The following FAM13A variants were observed in gnomAD, a reference collection of about 807,000 sequenced individuals.
FAM13A encodes family with sequence similarity 13 member A, also known as protein FAM13A.
Under a neutral mutation model 129.6 loss-of-function variants are expected in FAM13A, and 76 were observed. The observed-to-expected ratio is 0.59, with a 90% CI of 0.49 to 0.71. FAM13A has a LOEUF of 0.71. Ranked by LOEUF, FAM13A falls within the 30% of genes least tolerant of loss-of-function variation. FAM13A has a pLI of 0.00. For synonymous variants in FAM13A, 443 were observed against 449.9 expected (o/e 0.98, Z 0.20); for missense variants, 1,108 against 1,249.3 (o/e 0.89, Z 1.70).
intron 2 of FAM13A, among the ~76,000 whole-genome samples, chr4:89,025,191 C>A (rs575868507): frequency 6.7e-6 from 1 of 148,444 alleles, no homozygotes; most frequent in Non-Finnish European, 1.5e-5. Flanking sequence ...AGTCTATGCA[C>A]ACACTTGTAT....
At chr4:88,762,278 C>A (rs1349383519) in intron 13 of FAM13A, among the ~76,000 whole-genome samples, 2 of 152,148 alleles carry the variant, frequency 1.3e-5, no homozygotes, top group Admixed American at 1.3e-4. Context: ...ATGAGGCATT[C>A]GGTCATTCAC....
At chr4:88,932,423 T>C (rs1222732073) in intron 5 of FAM13A, among the ~76,000 whole-genome samples, 1 of 152,226 alleles carries the variant, frequency 6.6e-6, no homozygotes, top group African/African-American at 2.4e-5. Context: ...ACTGAGTTTG[T>C]TTGTTTCTTT....
chr4:88,809,844 TA>T (rs1405197816), intron 7 of FAM13A, among the ~76,000 whole-genome samples: 130 of 139,726 alleles, frequency 9.3e-4, no homozygotes, highest in Middle Eastern at 3.6e-3. Context: ...TCAAGAACAT[TA>T]AAAAAAAAAA....
chr4:88,835,807 AG>A (rs973993240), intron 7 of FAM13A, among the ~76,000 whole-genome samples: 4 of 151,914 alleles, frequency 2.6e-5, no homozygotes, highest in Admixed American at 1.3e-4. Flanking sequence ...TGATGGGGAG[AG>A]GCTGTAAATA....
chr4:88,976,793 T>G (rs1250354424), intron 4 of FAM13A, among the ~76,000 whole-genome samples: 1 of 122,896 alleles, frequency 8.1e-6, no homozygotes, highest in African/African-American at 3.1e-5. Context: ...AGGTGTACAA[T>G]TTTTTATCTT....
intron 7 of FAM13A, among the ~76,000 whole-genome samples, chr4:88,825,277 G>A (rs972913401): frequency 1.3e-5 from 2 of 151,246 alleles, no homozygotes; most frequent in Non-Finnish European, 2.9e-5. Flanking sequence ...GTGCAGTGGC[G>A]TGATCTCGGC....
intron 3 of FAM13A, among the ~76,000 whole-genome samples, chr4:89,014,770 T>C (rs559637978): frequency 1.3e-5 from 2 of 152,312 alleles, no homozygotes; most frequent in Non-Finnish European, 2.9e-5. Context: ...GCTGAGGATG[T>C]ATGTCGCCTC....
chr4:89,025,256 T>TTTTTTG (rs1767801642), intron 2 of FAM13A, among the ~76,000 whole-genome samples: 1 of 83,494 alleles, frequency 1.2e-5, no homozygotes, highest in Non-Finnish European at 2.3e-5. Flanking sequence ...TTTTTTTTTT[T>TTTTTTG]TTTTTTTTTT....
At chr4:89,014,660 T>C (rs534831847) in intron 3 of FAM13A, among the ~76,000 whole-genome samples, 8 of 152,374 alleles carry the variant, frequency 5.3e-5, no homozygotes, top group African/African-American at 1.2e-4. Flanking sequence ...TGAACATAAA[T>C]TGTGAAGATT....
intron 6 of FAM13A, among the ~76,000 whole-genome samples, chr4:88,877,067 C>G (rs186937196): frequency 1.3e-5 from 2 of 152,044 alleles, no homozygotes; most frequent in African/African-American, 4.8e-5. Flanking sequence ...TATGGAAATA[C>G]GCAGAATTTC....
At chr4:88,909,537 A>G (rs897350330) in intron 5 of FAM13A, among the ~76,000 whole-genome samples, 1 of 151,256 alleles carries the variant, frequency 6.6e-6, no homozygotes, top group Admixed American at 6.6e-5. Flanking sequence ...GCCAGGCTGG[A>G]GTGCAGTGGC....
chr4:88,801,838 A>T (rs989069341), intron 8 of FAM13A, among the ~76,000 whole-genome samples: 77 of 95,900 alleles, frequency 8.0e-4, no homozygotes, highest in Non-Finnish European at 1.4e-3. Flanking sequence ...GGGAGGTGGG[A>T]GCTGGTAGAG....
rs1403123559 is a variant in FAM13A, at chr4:88,779,701, GT to G, written c.1458+1463del. ...TGGAATTAGGATCTTCCATCCCAGT[GT>G]TTTTCAGCACAGACTATGTCCATAG... On this transcript the variant is annotated intron_variant, in intron 11 of 23. Coordinates refer to ENST00000264344, the MANE Select transcript of FAM13A (RefSeq NM_014883.4). 3.3e-5 allele frequency among the ~76,000 whole-genome samples: 5 copies of G among 152,274 alleles called. No individual in the cohort carries two copies. The East Asian group carries it at 9.6e-4, about 29-fold the overall frequency.
intron 5 of FAM13A, among the ~76,000 whole-genome samples, chr4:88,933,854 C>T (rs1439046990): frequency 2.0e-5 from 3 of 152,174 alleles, no homozygotes; most frequent in Non-Finnish European, 4.4e-5. Flanking sequence ...TAGCACTCTT[C>T]TGCTTAATAC....
intron 23 of FAM13A, among the ~76,000 whole-genome samples, chr4:88,730,287 C>T (rs757969886): frequency 2.6e-5 from 4 of 152,294 alleles, no homozygotes; most frequent in South Asian, 2.1e-4. Context: ...CTGTGACTTT[C>T]GGTAAGATTT....
At chr4:88,957,968 T>C (rs1210525463) in intron 4 of FAM13A, among the ~76,000 whole-genome samples, 1 of 152,006 alleles carries the variant, frequency 6.6e-6, no homozygotes, top group African/African-American at 2.4e-5. Flanking sequence ...CAACCTATGC[T>C]CAGATGTGAG....
At chr4:88,894,441 A>C (rs1745937427) in intron 6 of FAM13A, among the ~76,000 whole-genome samples, 1 of 152,218 alleles carries the variant, frequency 6.6e-6, no homozygotes, top group African/African-American at 2.4e-5. Context: ...AAACATGCAA[A>C]GACTATAGCA....
intron 7 of FAM13A, among the ~76,000 whole-genome samples, chr4:88,807,191 A>C (rs746766163): frequency 1.3e-5 from 2 of 152,164 alleles, no homozygotes; most frequent in African/African-American, 2.4e-5. Flanking sequence ...TGATTTTCTT[A>C]AGTGCTTTTG....
At chr4:89,041,175 A>G (rs1770070243) in intron 1 of FAM13A, among the ~76,000 whole-genome samples, 1 of 152,236 alleles carries the variant, frequency 6.6e-6, no homozygotes, top group African/African-American at 2.4e-5. Context: ...GATTGATAGC[A>G]GAGTAGGATG....
Sources: allele counts gnomAD v4.1 joint callset (sites outside exome capture counted in the v4.1 genomes callset), GRCh38; gene constraint gnomAD v4.1.1; transcripts MANE v1.5; gene names NCBI Gene and HGNC (gene_info 2026-07-23, HGNC 2026-07-21).